Variants in PHEX observed in about 807,000 individuals in gnomAD.
PHEX encodes the protein phosphate-regulating neutral endopeptidase PHEX.
A neutral mutation model predicts 68.0 loss-of-function variants in PHEX; 16 were observed. The observed-to-expected ratio is 0.24, with a 90% CI of 0.16 to 0.36. The LOEUF (loss-of-function observed/expected upper bound fraction) is 0.36. Ranked by LOEUF, PHEX falls within the 10% of genes least tolerant of loss-of-function variation. The probability of loss-of-function intolerance (pLI) is 1.00; values close to 1 mark genes in which losing one functional copy is unlikely to be tolerated. For missense variants in PHEX, 480 were observed against 575.5 expected, an observed-to-expected ratio of 0.83 and a Z score of 1.70; for synonymous variants, 208 against 205.1, an observed-to-expected ratio of 1.01 and a Z score of -0.12.
chrX:22,065,986 ACT>A (rs1436560071), intron 3 of PHEX, among the ~76,000 whole-genome samples: 2 of 111,336 alleles, frequency 1.8e-5, no homozygotes, highest in Non-Finnish European at 3.8e-5. Flanking sequence ...AAGCGCAGAG[ACT>A]CTGTCCAGCT....
Position 22,222,970 on chromosome X carries a change from A to G in PHEX, c.1899+1227A>G, listed in dbSNP as rs1023291539. On this transcript the variant is annotated intron_variant, in intron 18 of 21. Transcript: ENST00000379374. ...GAGGTTCTTATTTTAAGTTCATTTT[A>G]TATCTGGGTGATGTGTGGGTGGACT... Among the ~76,000 whole-genome samples, 3 of 111,886 alleles carry G rather than the reference A, an allele frequency of 2.7e-5. No homozygotes were observed. The Admixed American group carries it at 2.8e-4, about 11-fold the overall frequency.
chrX:22,096,559 A>C (rs1930144396), intron 7 of PHEX, among the ~76,000 whole-genome samples: 1 of 111,968 alleles, frequency 8.9e-6, no homozygotes, highest in African/African-American at 3.2e-5. Context: ...TTGCCCCTAG[A>C]GGTGAAGGGA....
intron 16 of PHEX, among the ~76,000 whole-genome samples, chrX:22,216,302 T>A (rs1225925433): frequency 3.6e-5 from 4 of 111,126 alleles, no homozygotes; most frequent in African/African-American, 9.8e-5. Flanking sequence ...TGTTTTGTTG[T>A]TGACAGCAAA....
chrX:22,038,515 G>T lies in PHEX; in HGVS notation c.165G>T (p.Leu55=). 2 of 1,194,361 alleles carry T rather than the reference G, an allele frequency of 1.7e-6. No individual in the cohort carries two copies. Among genetic ancestry groups the T allele is most frequent in the Non-Finnish European group, 2.3e-6 (2 of 879,696 alleles). The part of the protein sequence containing the change: ...LSLQAKQEYC[L]KPECIEAAAA... Reference sequence around the variant, plus strand: ...TCCAAGCTAAACAGGAGTACTGCCTGAAGCCAGAATGCATCGAAGCGGGTA... The same window carrying T: ...TCCAAGCTAAACAGGAGTACTGCCTTAAGCCAGAATGCATCGAAGCGGGTA... The change falls in exon 2 of 22, where the codon CTG becomes CTT. Residue 55 remains leucine (L), a synonymous_variant. Transcript: ENST00000379374.
intron 7 of PHEX, among the ~76,000 whole-genome samples, chrX:22,096,484 G>A (rs140023475): frequency 0.012 from 1,338 of 111,779 alleles, 21 homozygotes; most frequent in African/African-American, 0.041. Context: ...GAGGGAATGA[G>A]CTGTTGACAA....
Position 22,139,204 on chromosome X carries a change from T to G in PHEX, c.1404+5580T>G, listed in dbSNP as rs552607640. On this transcript the variant is annotated intron_variant, in intron 12 of 21. Coordinates refer to ENST00000379374, the MANE Select transcript of PHEX (RefSeq NM_000444.6). ...AAAAGAGCCACTGTGCCTAAAGTAC[T>G]TATAAGAATGCCTGGAGCATGAGAA... Among the ~76,000 whole-genome samples the G allele has an allele frequency of 6.3e-5, 7 of 111,689 alleles. No homozygotes were observed. In the South Asian group the frequency reaches 2.3e-3, roughly 36 times the overall value.
intron 9 of PHEX, among the ~76,000 whole-genome samples, chrX:22,101,233 C>T (rs1057108960): frequency 6.3e-5 from 7 of 111,664 alleles, no homozygotes; most frequent in Non-Finnish European, 9.4e-5. Context: ...ACAGTTTATC[C>T]CTCAACCACC....
rs1475674247 is a variant in PHEX, at chrX:22,176,403, ATAT to A, written c.1483-1869_1483-1867del. On this transcript the variant is annotated intron_variant, in intron 13 of 21. Transcript: ENST00000379374. ...CTGTCTCAAAAAAAAAAAAAAAAAA[ATAT>A]ATATATATATATATATATATGTATG... Among the ~76,000 whole-genome samples, 93 of 52,395 alleles carry A rather than the reference ATAT, an allele frequency of 1.8e-3. 1 individual carries two copies. The highest frequency in any genetic ancestry group is 9.6e-3 in the African/African-American group (89 of 9,275). 45.5% of individuals were successfully genotyped at this position (52,395 alleles called of 115,157 possible).
At chrX:22,165,778 G>A (rs1412026692) in intron 12 of PHEX, among the ~76,000 whole-genome samples, 1 of 111,970 alleles carries the variant, frequency 8.9e-6, no homozygotes, top group Non-Finnish European at 1.9e-5. Context: ...AAGGGAGAGA[G>A]AAATTTTCAC....
intron 3 of PHEX, among the ~76,000 whole-genome samples, chrX:22,063,563 A>G (rs1928467801): frequency 9.0e-6 from 1 of 111,724 alleles, no homozygotes; most frequent in African/African-American, 3.3e-5. Context: ...GTTTCGCCTG[A>G]GGTCTGAAGG....
chrX:22,125,379 A>G (rs754161725), intron 11 of PHEX, among the ~76,000 whole-genome samples: 1 of 112,106 alleles, frequency 8.9e-6, no homozygotes, highest in East Asian at 2.8e-4. Flanking sequence ...TATGTTAAAG[A>G]GGAAAGCCTA....
intron 5 of PHEX, among the ~76,000 whole-genome samples, chrX:22,082,781 C>T (rs779670335): frequency 9.0e-6 from 1 of 111,471 alleles, no homozygotes; most frequent in Non-Finnish European, 1.9e-5. Context: ...GGAATCTTGC[C>T]CAAAGTAATT....
intron 12 of PHEX, among the ~76,000 whole-genome samples, chrX:22,161,791 G>A (rs1933140160): frequency 8.9e-6 from 1 of 111,868 alleles, no homozygotes; most frequent in African/African-American, 3.3e-5. Flanking sequence ...TTTCTCCAGA[G>A]TAAATATATT....
intron 3 of PHEX, among the ~76,000 whole-genome samples, chrX:22,074,893 T>C (rs1416904488): frequency 2.7e-5 from 3 of 110,804 alleles, no homozygotes; most frequent in Non-Finnish European, 3.8e-5. Flanking sequence ...CTGGCCGACA[T>C]GGTGAAACTC....
chrX:22,101,001 G>A lies in PHEX; in HGVS notation c.1079+1850G>A, dbSNP rs759249307. 1.6e-3 allele frequency among the ~76,000 whole-genome samples: 171 copies of A among 110,024 alleles called. 1 individual carries two copies. The highest frequency in any genetic ancestry group is 5.4e-3 in the African/African-American group (163 of 30,218). ...AACCTGGCCAACATGGTGAAACCCC[G>A]TCTCTACTTAAAAAAAATACAAAAT... On this transcript the variant is annotated intron_variant, in intron 9 of 21. Coordinates refer to ENST00000379374, the MANE Select transcript of PHEX (RefSeq NM_000444.6).
At chrX:22,241,838 G>A (rs1477035134) in intron 20 of PHEX, among the ~76,000 whole-genome samples, 1 of 111,775 alleles carries the variant, frequency 8.9e-6, no homozygotes, top group Non-Finnish European at 1.9e-5. Context: ...AGCCGAATTC[G>A]ACCAGAGGTA....
chrX:22,076,968 T>A (rs1929178352), intron 4 of PHEX, among the ~76,000 whole-genome samples: 1 of 112,211 alleles, frequency 8.9e-6, no homozygotes, highest in Non-Finnish European at 1.9e-5. Flanking sequence ...CTTGACCTGG[T>A]CTGCCTTCTC....
At chrX:22,202,622 T>G (rs1422912721) in intron 15 of PHEX, among the ~76,000 whole-genome samples, 1 of 112,020 alleles carries the variant, frequency 8.9e-6, no homozygotes, top group African/African-American at 3.2e-5. Context: ...ATTTCATTCT[T>G]GAGACCATTA....
intron 14 of PHEX, among the ~76,000 whole-genome samples, chrX:22,189,233 C>A (rs1934123078): frequency 8.9e-6 from 1 of 112,423 alleles, no homozygotes; most frequent in South Asian, 3.6e-4. Context: ...AGTGCTGCAA[C>A]AAACATGGGA....
Sources: gnomAD v4.1 joint callset for allele counts (sites outside exome capture counted in the v4.1 genomes callset) on GRCh38, gnomAD v4.1.1 for gene constraint, MANE v1.5 for transcripts, NCBI Gene and HGNC (gene_info 2026-07-23, HGNC 2026-07-21) for gene names.